ANKS1A: variants seen among roughly 807,000 people sequenced by gnomAD.
ANKS1A encodes the protein ankyrin repeat and SAM domain-containing protein 1A.
A neutral mutation model predicts 120.3 loss-of-function variants in ANKS1A; 55 were observed. That is an observed-to-expected ratio of 0.46 (90% CI 0.37 to 0.57). The LOEUF (loss-of-function observed/expected upper bound fraction) is 0.57, where lower values mean the gene tolerates loss of function less well. Ranked by LOEUF, ANKS1A falls within the 20% of genes least tolerant of loss-of-function variation. The pLI, the probability that ANKS1A is intolerant of heterozygous loss-of-function variation, is 0.00. For missense variants in ANKS1A, 1,123 were observed against 1,480.3 expected, an observed-to-expected ratio of 0.76 and a Z score of 3.96; for synonymous variants, 590 against 604.7, an observed-to-expected ratio of 0.98 and a Z score of 0.36.
chr6:35,060,072 C>A lies in ANKS1A; in HGVS notation c.2078-75C>A. The A allele has an allele frequency of 8.1e-7, 1 of 1,228,962 alleles. No individual in the cohort carries two copies. Among genetic ancestry groups the A allele is most frequent in the Non-Finnish European group, 1.2e-6 (1 of 851,276 alleles). 76.1% of individuals were successfully genotyped at this position (1,228,962 alleles called of 1,614,324 possible). On this transcript the variant is annotated intron_variant, in intron 12 of 23. Transcript: ENST00000360359. The surrounding 1 kb of genome is among the most constrained non-coding windows in gnomAD (Gnocchi z 4.5). ...ACTATGATGTGGCAATGCCATCTAT[C>A]TTCCTCTGAGTGCCGCTGCTACCGC...
In ANKS1A at chr6:35,083,194, G is replaced by A. The variant is rs1299043474; in HGVS notation, c.2875G>A (p.Glu959Lys). The change falls in exon 19 of 24, where the codon GAA (glutamate) becomes AAA (lysine). Residue 959 changes from glutamate (E) to lysine (K), a missense_variant. Glu to Lys is a moderately conservative substitution (Grantham distance 56). Around this residue, in one of 3 missense-constraint regions of ANKS1A, gnomAD observed 904 missense variants for 1,130.4 expected, o/e 0.80. Coordinates refer to ENST00000360359, the MANE Select transcript of ANKS1A (RefSeq NM_015245.3). ...GCTGATCAAAGATCTGCGAGGGACA[G>A]AATCCACGCAAGACGCCTGTGCCAA... ...SMLIKDLRGT[E>K]STQDACAKMR... is the part of the protein sequence containing the mutation. 2.5e-6 allele frequency: 4 copies of A among 1,614,176 alleles called. No individual in the cohort carries two copies. Among genetic ancestry groups the A allele is most frequent in the Admixed American group, 1.7e-5 (1 of 60,034 alleles).
downstream of ANKS1A, among the ~76,000 whole-genome samples, chr6:35,095,426 G>A (rs893013674): frequency 2.0e-5 from 3 of 151,632 alleles, no homozygotes; most frequent in Non-Finnish European, 4.4e-5. Flanking sequence ...ACATGGCGGT[G>A]CATGCCTATA....
intron 10 of ANKS1A, among the ~76,000 whole-genome samples, chr6:35,016,596 G>C (rs753026269): frequency 6.6e-6 from 1 of 152,160 alleles, no homozygotes; most frequent in Non-Finnish European, 1.5e-5. Context: ...GGCCTCATGA[G>C]CTAGTAGTGT....
At chr6:34,993,458 A>C (rs1353610397) in intron 9 of ANKS1A, among the ~76,000 whole-genome samples, 2 of 152,272 alleles carry the variant, frequency 1.3e-5, no homozygotes, top group East Asian at 3.8e-4. Context: ...TGCCTGGATT[A>C]GGAATTTCTC....
chr6:34,996,127 T>C (rs1772842239), intron 10 of ANKS1A, among the ~76,000 whole-genome samples: 1 of 152,228 alleles, frequency 6.6e-6, no homozygotes, highest in Admixed American at 6.5e-5. Context: ...TTAAAAATTT[T>C]AGCCATTCTA....
At chr6:35,080,299 G>A (rs966041437) in intron 16 of ANKS1A, among the ~76,000 whole-genome samples, 2 of 152,178 alleles carry the variant, frequency 1.3e-5, no homozygotes, top group African/African-American at 4.8e-5. Flanking sequence ...CCCAGGCTGG[G>A]GTGGCTAAGA....
chr6:34,978,250 C>T (rs545318868), intron 3 of ANKS1A, among the ~76,000 whole-genome samples: 116 of 152,272 alleles, frequency 7.6e-4, no homozygotes, highest in African/African-American at 2.6e-3. Context: ...GCCACCGCAC[C>T]CAGCCAGAAG....
In ANKS1A at chr6:35,057,810, G is replaced by A. The variant is rs34022207; in HGVS notation, c.2078-2337G>A. 0.051 allele frequency among the ~76,000 whole-genome samples: 7,737 copies of A among 152,296 alleles called. 301 individuals carry two copies. Among genetic ancestry groups the A allele is most frequent in the Non-Finnish European group, 0.077 (5,226 of 68,014 alleles). On this transcript the variant is annotated intron_variant, in intron 12 of 23. Coordinates refer to ENST00000360359, the MANE Select transcript of ANKS1A (RefSeq NM_015245.3). This position sits in a 1 kb window ranked among gnomAD's most constrained non-coding sequence, Gnocchi z 4.1. ...GTTTTTATAAGAAGCACAGTCATTC[G>A]TAAAGTGGCAAGTAGGGGGGTCACT...
intron 1 of ANKS1A, among the ~76,000 whole-genome samples, chr6:34,902,528 G>A (rs189345748): frequency 6.6e-6 from 1 of 152,242 alleles, no homozygotes; most frequent in African/African-American, 2.4e-5. Flanking sequence ...GTTTACAGGC[G>A]TGAGCTACCG....
chr6:35,028,524 G>A (rs994106183), intron 11 of ANKS1A, among the ~76,000 whole-genome samples: 5 of 152,204 alleles, frequency 3.3e-5, no homozygotes, highest in Non-Finnish European at 5.9e-5. Flanking sequence ...GAATCTAGGT[G>A]AAATTTTAAA....
intron 1 of ANKS1A, among the ~76,000 whole-genome samples, chr6:34,929,776 C>G (rs146002749): frequency 6.9e-6 from 1 of 145,760 alleles, no homozygotes; most frequent in Non-Finnish European, 1.5e-5. Context: ...CCTTCCCCTC[C>G]CCCTCCCCCT....
At chr6:35,074,487 C>T (rs1304826388) in intron 13 of ANKS1A, among the ~76,000 whole-genome samples, 1 of 151,788 alleles carries the variant, frequency 6.6e-6, no homozygotes, top group South Asian at 2.1e-4. Context: ...GTACCAGCTA[C>T]TTAGGAGGCT....
At chr6:34,967,750 A>T (rs1216678167) in intron 2 of ANKS1A, among the ~76,000 whole-genome samples, 2 of 152,072 alleles carry the variant, frequency 1.3e-5, no homozygotes, top group East Asian at 3.9e-4. Context: ...AGAAACAGAG[A>T]AAAACAAACG....
Position 35,017,558 on chromosome 6 carries a change from C to G in ANKS1A, c.1509C>G (p.Leu503=). The change falls in exon 11 of 24, where the codon CTC becomes CTG. Residue 503 remains leucine (L), a synonymous_variant. Coordinates refer to ENST00000360359, the MANE Select transcript of ANKS1A (RefSeq NM_015245.3). The part of the protein sequence containing the change: ...GQVPEQFSGL[L]HGSSPVCEVG... ...TCCCAGAGCAGTTCTCAGGCCTCCT[C>G]CACGGCTCCTCCCCGGTGTGCGAGG... 1 of 1,614,114 alleles carries G rather than the reference C, an allele frequency of 6.2e-7. No homozygotes were observed. The highest frequency in any genetic ancestry group is 1.1e-5 in the South Asian group (1 of 91,078).
intron 11 of ANKS1A, among the ~76,000 whole-genome samples, chr6:35,037,079 T>C (rs1775210497): frequency 6.6e-6 from 1 of 152,212 alleles, no homozygotes; most frequent in Admixed American, 6.5e-5. Context: ...ACACTAGCAA[T>C]CAAATAAAAT....
At chr6:34,946,408 T>G (rs1769798767) in intron 1 of ANKS1A, among the ~76,000 whole-genome samples, 1 of 151,932 alleles carries the variant, frequency 6.6e-6, no homozygotes, top group Non-Finnish European at 1.5e-5. Context: ...GCCAATATGG[T>G]GAAACCCTGT....
At chr6:34,917,964 A>C (rs1360088627) in intron 1 of ANKS1A, among the ~76,000 whole-genome samples, 1 of 151,982 alleles carries the variant, frequency 6.6e-6, no homozygotes, top group African/African-American at 2.4e-5. Context: ...AAAGAGCCTT[A>C]CTCAACCCCC....
chr6:35,095,657 A>T (rs565653956), downstream of ANKS1A, among the ~76,000 whole-genome samples: 1 of 151,854 alleles, frequency 6.6e-6, no homozygotes, highest in African/African-American at 2.4e-5. Flanking sequence ...GTTAAAAAAA[A>T]AAAAAAAGCT....
chr6:35,071,357 T>C (rs1482917691), intron 13 of ANKS1A, among the ~76,000 whole-genome samples: 1 of 152,158 alleles, frequency 6.6e-6, no homozygotes, highest in African/African-American at 2.4e-5. Context: ...GGGGGTAAAA[T>C]ACTTTGTTTC....
Sources: gnomAD v4.1 joint callset for allele counts (sites outside exome capture counted in the v4.1 genomes callset) on GRCh38, gnomAD v4.1.1 for gene constraint, gnomAD v4.1.1 regional missense constraint, Gnocchi (gnomAD v3.1) non-coding constraint, MANE v1.5 for transcripts, NCBI Gene and HGNC (gene_info 2026-07-23, HGNC 2026-07-21) for gene names.